Variants in MAP2K4 observed in about 807,000 individuals in gnomAD.
MAP2K4 encodes dual specificity mitogen-activated protein kinase kinase 4.
In MAP2K4, 4 loss-of-function variants were observed where a neutral mutation model predicts 48.5. The ratio of observed to expected loss-of-function variants is 0.08; its 90% CI spans 0.04 to 0.19. The LOEUF (loss-of-function observed/expected upper bound fraction) is 0.19, where lower values mean the gene tolerates loss of function less well. Among genes scored for constraint, MAP2K4 ranks in the 10% least tolerant of loss-of-function variants. The probability of loss-of-function intolerance (pLI) is 1.00; values close to 1 mark genes in which losing one functional copy is unlikely to be tolerated. For missense variants in MAP2K4, 258 were observed against 493.3 expected, an observed-to-expected ratio of 0.52 and a Z score of 4.52; for synonymous variants, 166 against 173.1, an observed-to-expected ratio of 0.96 and a Z score of 0.32.
At chr17:12,139,786 T>C in intron 9 of MAP2K4, 53 bp from the exon 10 acceptor site, 1 of 1,281,106 alleles carries the variant, frequency 7.8e-7, no homozygotes, top group Non-Finnish European at 1.1e-6. Flanking sequence ...AAAAGAAAAA[T>C]ACTTAGGCAA....
chr17:12,094,810 C>T (rs1030163025), intron 3 of MAP2K4, among the ~76,000 whole-genome samples: 1 of 152,032 alleles, frequency 6.6e-6, no homozygotes, highest in Non-Finnish European at 1.5e-5. Context: ...AGGAATATAT[C>T]CCTGGTCTGC....
intron 9 of MAP2K4, among the ~76,000 whole-genome samples, chr17:12,136,520 G>T (rs991936649): frequency 1.3e-5 from 2 of 152,210 alleles, no homozygotes; most frequent in Non-Finnish European, 2.9e-5. Flanking sequence ...GTCTAGTGTG[G>T]TAGCTGCTGG....
At position 12,124,622 on chromosome 17, in the gene MAP2K4, G is replaced by A. The variant is rs1804928063; in HGVS notation, c.814-672G>A. On this transcript the variant is annotated intron_variant, in intron 7 of 10. Transcript: ENST00000353533. ...AAATCGAAGACAGTCTTTTTTGTTTGTTTGTCACTCGTTGCCCCAAATTTG... is the reference window on the plus strand; with the variant it reads ...AAATCGAAGACAGTCTTTTTTGTTTATTTGTCACTCGTTGCCCCAAATTTG... The A allele has an allele frequency of 2.0e-5, 3 of 151,852 alleles. No homozygotes were observed. The South Asian group carries it at 6.2e-4, about 32-fold the overall frequency. The allele number at this position is 151,852 out of a possible 1,614,324, so 9.4% of individuals were successfully genotyped here. A position where few individuals can be genotyped will look rare whatever the true frequency, so the allele number is the denominator to read the frequency against.
In MAP2K4 at chr17:12,029,736, G is replaced by A. The variant is rs564873214; in HGVS notation, c.115+8735G>A. Among the ~76,000 whole-genome samples, 17 of 152,054 alleles carry A rather than the reference G, an allele frequency of 1.1e-4. No homozygotes were observed. The East Asian group carries it at 1.6e-3, about 14-fold the overall frequency. ...GGAGGATTGTTTGAGACTAGCCTGG[G>A]CAACATGTTGGGACTCCATCTCTAC... On this transcript the variant is annotated intron_variant, in intron 1 of 10. Transcript: ENST00000353533.
rs531651265 is a variant in MAP2K4, at chr17:12,125,593, A to G, written c.891+222A>G. On this transcript the variant is annotated intron_variant, in intron 8 of 10. Transcript: ENST00000353533. ...TATGTGAAGTGTCTAGAGCCCTTTAATGTTTTAACTGGATCTCTTGGCCAC... is the reference window on the plus strand; with the variant it reads ...TATGTGAAGTGTCTAGAGCCCTTTAGTGTTTTAACTGGATCTCTTGGCCAC... Among the ~76,000 whole-genome samples the G allele has an allele frequency of 1.4e-3, 219 of 152,262 alleles. 1 individual carries two copies. Among genetic ancestry groups the G allele is most frequent in the Non-Finnish European group, 2.5e-3 (168 of 68,010 alleles).
At chr17:12,125,227 T>C (rs2151587400) in intron 7 of MAP2K4, 67 bp from the exon 8 acceptor site, 3 of 1,159,376 alleles carry the variant, frequency 2.6e-6, no homozygotes, top group Non-Finnish European at 3.9e-6. Flanking sequence ...TACCCAGCTG[T>C]TGCTTCCATT....
At chr17:12,103,212 ATTTTT>A (rs775147472) in intron 4 of MAP2K4, among the ~76,000 whole-genome samples, 1 of 135,134 alleles carries the variant, frequency 7.4e-6, no homozygotes. Context: ...TGCTAATTGA[ATTTTT>A]TTTTTTTTTT....
At chr17:12,115,541 A>AG (rs11455516) in intron 7 of MAP2K4, 674,656 of 674,658 alleles carry the variant, frequency 1, 337,327 homozygotes, top group Middle Eastern at 1. Context: ...GACGGGCCGG[A>AG]GAAAGATGGA....
Position 12,114,751 on chromosome 17 carries a change from C to T in MAP2K4, c.813+1391C>T, listed in dbSNP as rs1366656978. 2.6e-5 allele frequency among the ~76,000 whole-genome samples: 4 copies of T among 152,120 alleles called. No homozygotes were observed. The South Asian group carries it at 8.3e-4, about 31-fold the overall frequency. Reference sequence around the variant, plus strand: ...TTGATTGAAGCAGGCTTTGAAAATGCAATTGCAGCCCAGATAAAGTAGAAT... The same window carrying T: ...TTGATTGAAGCAGGCTTTGAAAATGTAATTGCAGCCCAGATAAAGTAGAAT... On this transcript the variant is annotated intron_variant, in intron 7 of 10. Coordinates refer to ENST00000353533, the MANE Select transcript of MAP2K4 (RefSeq NM_003010.4).
chr17:12,132,271 A>C (rs1165507622), intron 9 of MAP2K4, among the ~76,000 whole-genome samples: 2 of 152,226 alleles, frequency 1.3e-5, no homozygotes, highest in East Asian at 3.8e-4. Context: ...ACATAAATAC[A>C]CTAAAAGACA....
intron 3 of MAP2K4, among the ~76,000 whole-genome samples, chr17:12,088,998 G>A (rs1971474277): frequency 6.7e-6 from 1 of 148,494 alleles, no homozygotes; most frequent in Admixed American, 6.8e-5. Context: ...TGCAAGCTCC[G>A]CCTCCCGGGT....
intron 1 of MAP2K4, among the ~76,000 whole-genome samples, chr17:12,044,991 G>C (rs930361931): frequency 6.6e-6 from 1 of 152,132 alleles, no homozygotes; most frequent in African/African-American, 2.4e-5. Flanking sequence ...CAGGAAATGG[G>C]GACAAAACCA....
intron 1 of MAP2K4, among the ~76,000 whole-genome samples, chr17:12,023,265 A>G (rs1969149505): frequency 6.6e-6 from 1 of 152,190 alleles, no homozygotes; most frequent in South Asian, 2.1e-4. Flanking sequence ...GCAGCAATTT[A>G]GGATCCTTCT....
intron 4 of MAP2K4, among the ~76,000 whole-genome samples, chr17:12,102,704 G>T (rs1246980902): frequency 6.6e-6 from 1 of 152,102 alleles, no homozygotes; most frequent in Non-Finnish European, 1.5e-5. Context: ...TTCTTTCAAA[G>T]ATATAGTTCT....
At chr17:12,065,609 T>C (rs750290815) in intron 2 of MAP2K4, among the ~76,000 whole-genome samples, 9 of 152,162 alleles carry the variant, frequency 5.9e-5, no homozygotes, top group Non-Finnish European at 1.0e-4. Context: ...CTAATTTTTG[T>C]ATTTTTAGTA....
intron 9 of MAP2K4, among the ~76,000 whole-genome samples, chr17:12,130,338 A>G (rs1972983204): frequency 6.6e-6 from 1 of 152,208 alleles, no homozygotes; most frequent in Non-Finnish European, 1.5e-5. Flanking sequence ...GATGACTCAA[A>G]TTGGCTGCTT....
intron 6 of MAP2K4, among the ~76,000 whole-genome samples, chr17:12,111,043 C>T (rs1246090210): frequency 6.6e-6 from 1 of 152,178 alleles, no homozygotes; most frequent in Non-Finnish European, 1.5e-5. Flanking sequence ...GAAGTGCTTG[C>T]TTTACTTATT....
chr17:12,025,941 G>A (rs1969238652), intron 1 of MAP2K4, among the ~76,000 whole-genome samples: 2 of 152,150 alleles, frequency 1.3e-5, no homozygotes, highest in African/African-American at 4.8e-5. Context: ...TGTGCAGACA[G>A]TGAAGAGTTT....
chr17:12,036,472 A>AT (rs1238475957), intron 1 of MAP2K4: 1 of 151,920 alleles, frequency 6.6e-6, no homozygotes, highest in Non-Finnish European at 1.5e-5. Context: ...CCATTTTTTC[A>AT]TTTTTTATTT....
Sources: allele counts gnomAD v4.1 joint callset (sites outside exome capture counted in the v4.1 genomes callset), GRCh38; gene constraint gnomAD v4.1.1; transcripts MANE v1.5; gene names NCBI Gene and HGNC (gene_info 2026-07-23, HGNC 2026-07-21).